The following ACAP2 variants were observed in gnomAD, a reference collection of about 807,000 sequenced individuals.
ACAP2 encodes the protein ArfGAP with coiled-coil, ankyrin repeat and PH domains 2.
In ACAP2, 39 loss-of-function variants were observed where a neutral mutation model predicts 115.8. That is an observed-to-expected ratio of 0.34 (90% confidence interval 0.26 to 0.44). ACAP2 has a LOEUF of 0.44. Ranked by LOEUF, ACAP2 falls within the 20% of genes least tolerant of loss-of-function variation. The pLI is 1.00. For missense variants in ACAP2, 662 were observed against 927.6 expected, an observed-to-expected ratio of 0.71 and a Z score of 3.72; for synonymous variants, 289 against 315.8, an observed-to-expected ratio of 0.92 and a Z score of 0.90.
intron 1 of ACAP2, among the ~76,000 whole-genome samples, chr3:195,440,398 G>T (rs1405111235): frequency 6.6e-6 from 1 of 152,188 alleles, no homozygotes; most frequent in Non-Finnish European, 1.5e-5. Context: ...TTTAAAGCTT[G>T]AACAGTGGTG....
intron 9 of ACAP2, chr3:195,325,376 TA>T: frequency 2.4e-6 from 1 of 421,696 alleles, no homozygotes; most frequent in East Asian, 7.2e-5. Flanking sequence ...TCTACATAAC[TA>T]CAGGAGACAT....
intron 18 of ACAP2, among the ~76,000 whole-genome samples, chr3:195,294,217 G>A (rs544378322): frequency 3.9e-5 from 6 of 151,916 alleles, no homozygotes; most frequent in Non-Finnish European, 7.4e-5. Flanking sequence ...TGAAGAAATC[G>A]CTGCTTTCTC....
chr3:195,297,151 A>G (rs777877006), intron 16 of ACAP2, 39 bp downstream of exon 16: 1 of 1,527,244 alleles, frequency 6.5e-7, no homozygotes, highest in African/African-American at 1.4e-5. Flanking sequence ...AATCATAGCT[A>G]TATTCCTAAT....
At chr3:195,378,066 GGGAGGGAGGAAGGGAGGAAGGGAGGA>G (rs1211589836) in intron 4 of ACAP2, among the ~76,000 whole-genome samples, 7 of 151,762 alleles carry the variant, frequency 4.6e-5, no homozygotes, top group East Asian at 1.9e-4. Context: ...GAGGGAGGGA[GGGAGGGAGGAAGGGAGGAAGGGAGGA>G]GGAGGAAGGG....
At position 195,292,459 on chromosome 3, in the gene ACAP2, A is replaced by G; in HGVS notation, c.1766-7T>C. On this transcript the variant is annotated splice_region_variant and splice_polypyrimidine_tract_variant and intron_variant, in intron 18 of 22. Coordinates refer to ENST00000326793, the MANE Select transcript of ACAP2 (RefSeq NM_012287.6). Reference sequence around the variant, plus strand: ...GAATCTTGCCTTTCTCCTTCTGAAAAGCAAACACATACACATCAATAAAAA... The same window carrying G: ...GAATCTTGCCTTTCTCCTTCTGAAAGGCAAACACATACACATCAATAAAAA... 6.3e-7 allele frequency: 1 copy of G among 1,598,882 alleles called. No homozygotes were observed. Among genetic ancestry groups the G allele is most frequent in the South Asian group, 1.1e-5 (1 of 88,374 alleles).
At chr3:195,279,499 A>C (rs1726349964) in intron 22 of ACAP2, 71 bp from the exon 23 acceptor site, 3 of 960,368 alleles carry the variant, frequency 3.1e-6, no homozygotes, top group Non-Finnish European at 4.5e-6. Context: ...CATATTTATT[A>C]CTAGTACTAT....
chr3:195,410,351 T>C (rs1371370619), intron 1 of ACAP2, among the ~76,000 whole-genome samples: 2 of 152,216 alleles, frequency 1.3e-5, no homozygotes, highest in Non-Finnish European at 2.9e-5. Flanking sequence ...TTTATGACAC[T>C]GAATTTGGTA....
intron 4 of ACAP2, among the ~76,000 whole-genome samples, chr3:195,360,933 T>C (rs547012635): frequency 5.4e-4 from 80 of 149,368 alleles, no homozygotes; most frequent in Non-Finnish European, 9.7e-4. Context: ...ACATGAATCA[T>C]TCTTAAGGAC....
chr3:195,380,919 C>G (rs1733900505), intron 4 of ACAP2, 90 bp downstream of exon 4: 4 of 1,134,610 alleles, frequency 3.5e-6, no homozygotes, highest in Non-Finnish European at 5.1e-6. Flanking sequence ...CCATGTAATT[C>G]CCTTTTAGTC....
At chr3:195,330,332 T>G (rs527814717) in intron 8 of ACAP2, among the ~76,000 whole-genome samples, 1 of 152,324 alleles carries the variant, frequency 6.6e-6, no homozygotes, top group African/African-American at 2.4e-5. Context: ...AACCCGGCCA[T>G]CTTATCCACT....
At chr3:195,309,658 C>T (rs1728635347) in intron 10 of ACAP2, among the ~76,000 whole-genome samples, 2 of 151,816 alleles carry the variant, frequency 1.3e-5, no homozygotes, top group East Asian at 3.9e-4. Flanking sequence ...ATAAGCAAAA[C>T]AGAAAACTAA....
At chr3:195,292,566 T>A in intron 18 of ACAP2, 114 bp from the exon 19 acceptor site, 1 of 977,478 alleles carries the variant, frequency 1.0e-6, no homozygotes, top group African/African-American at 1.7e-5. Context: ...TGTGGATGAA[T>A]GGCAGTAAAG....
intron 13 of ACAP2, among the ~76,000 whole-genome samples, chr3:195,305,611 C>G (rs1272668518): frequency 6.6e-6 from 1 of 152,176 alleles, no homozygotes; most frequent in East Asian, 1.9e-4. Flanking sequence ...CCCAGACTGA[C>G]AGCCATGCTG....
intron 22 of ACAP2, chr3:195,285,269 C>T (rs1382751920): frequency 6.6e-6 from 1 of 152,188 alleles, no homozygotes; most frequent in Admixed American, 6.5e-5. Flanking sequence ...CAAAACTCAT[C>T]AGTAAACTTT....
chr3:195,279,603 A>AC, intron 22 of ACAP2, 175 bp from the exon 23 acceptor site: 1 of 428,836 alleles, frequency 2.3e-6, no homozygotes, highest in East Asian at 3.8e-5. Context: ...ATGCAATGAA[A>AC]GAAAAAAAAA....
intron 1 of ACAP2, among the ~76,000 whole-genome samples, chr3:195,422,955 T>G (rs1467384579): frequency 6.6e-6 from 1 of 152,126 alleles, no homozygotes; most frequent in Non-Finnish European, 1.5e-5. Flanking sequence ...GCTGGCTAAA[T>G]GTAATGAAAA....
chr3:195,411,495 A>G (rs559017520), intron 1 of ACAP2, among the ~76,000 whole-genome samples: 58 of 152,360 alleles, frequency 3.8e-4, no homozygotes, highest in African/African-American at 1.4e-3. Flanking sequence ...ATACTTAAAA[A>G]ATGGTCAAGA....
At chr3:195,326,747 A>G in intron 9 of ACAP2, 138 bp downstream of exon 9, 1 of 698,488 alleles carries the variant, frequency 1.4e-6, no homozygotes. Context: ...TTGCTCTTCA[A>G]AAACAAAAGA....
chr3:195,441,602 C>T (rs1386180464), intron 1 of ACAP2, among the ~76,000 whole-genome samples: 2 of 152,136 alleles, frequency 1.3e-5, no homozygotes, highest in Non-Finnish European at 1.5e-5. Flanking sequence ...AGGATGAGAA[C>T]AGTTAGTTCC....
Sources: allele counts gnomAD v4.1 joint callset (sites outside exome capture counted in the v4.1 genomes callset), GRCh38; gene constraint gnomAD v4.1.1; transcripts MANE v1.5; gene names NCBI Gene and HGNC (gene_info 2026-07-23, HGNC 2026-07-21).